The following GCSAM variants were observed in gnomAD, a reference collection of about 807,000 sequenced individuals.
The protein encoded by GCSAM is germinal center associated signaling and motility, also known as germinal center-associated signaling and motility protein.
In GCSAM, 8 loss-of-function variants were observed where a neutral mutation model predicts 17.6. The ratio of observed to expected loss-of-function variants is 0.46; its 90% CI spans 0.27 to 0.82. The LOEUF is 0.82. Among genes scored for constraint, GCSAM ranks in the 40% least tolerant of loss-of-function variants. The probability of loss-of-function intolerance (pLI) is 0.15; values close to 1 mark genes in which losing one functional copy is unlikely to be tolerated. For synonymous variants in GCSAM, 68 were observed against 69.0 expected, an observed-to-expected ratio of 0.98 and a Z score of 0.07; for missense variants, 192 against 213.5, an observed-to-expected ratio of 0.90 and a Z score of 0.63.
intron 1 of GCSAM, 97 bp downstream of exon 1, chr3:112,132,995 C>T (rs1051267783): frequency 1.4e-5 from 17 of 1,249,694 alleles, no homozygotes; most frequent in Non-Finnish European, 1.9e-5. Context: ...TCTACCCCAA[C>T]TTAGTGTGCT....
chr3:112,124,600 C>G (rs1409767023), intron 5 of GCSAM, among the ~76,000 whole-genome samples: 1 of 152,124 alleles, frequency 6.6e-6, no homozygotes, highest in Non-Finnish European at 1.5e-5. Flanking sequence ...AAGAGCAAAA[C>G]TCTGTCTCCA....
chr3:112,127,946 G>T, intron 3 of GCSAM, 71 bp downstream of exon 3: 1 of 1,320,008 alleles, frequency 7.6e-7, no homozygotes. Context: ...ACAGTCACAG[G>T]TAACTTACAG....
intron 5 of GCSAM, among the ~76,000 whole-genome samples, 156 bp from the exon 6 acceptor site, chr3:112,123,928 C>T (rs1289670620): frequency 1.3e-5 from 2 of 152,124 alleles, no homozygotes; most frequent in Admixed American, 1.3e-4. Context: ...CTGCTTCTAC[C>T]CCAACCACTA....
chr3:112,132,984 T>A, intron 1 of GCSAM, 108 bp downstream of exon 1: 2 of 1,129,222 alleles, frequency 1.8e-6, no homozygotes, highest in Non-Finnish European at 2.6e-6. Flanking sequence ...CCCAACTACT[T>A]TCTACCCCAA....
At chr3:112,132,783 G>A (rs1260605176) in intron 1 of GCSAM, 10 of 466,574 alleles carry the variant, frequency 2.1e-5, no homozygotes, top group Non-Finnish European at 2.6e-5. Flanking sequence ...TCTCCTTCCC[G>A]GGCTTTCAGA....
Position 112,123,531 on chromosome 3 carries a change from T to C in GCSAM, c.461A>G (p.His154Arg). 2.5e-6 allele frequency: 4 copies of C among 1,614,168 alleles called. No individual in the cohort carries two copies. The highest frequency in any genetic ancestry group is 3.4e-6 in the Non-Finnish European group (4 of 1,180,016). Residue 154 changes from histidine (H) to arginine (R), a missense_variant, in exon 6 of 6, where the codon CAC becomes CGC. Coordinates refer to ENST00000308910, the MANE Select transcript of GCSAM (RefSeq NM_152785.5). ...PEDEYELLMP[H>R]RISSHFLQQP... ...TTGCAGAAAGTGAGAGGAGATTCTGTGAGGCATGAGAAGTTCATATTCATC... is the reference window on the plus strand; with the variant it reads ...TTGCAGAAAGTGAGAGGAGATTCTGCGAGGCATGAGAAGTTCATATTCATC...
Position 112,122,933 on chromosome 3 carries a change from A to G in GCSAM, c.*522T>C. 1 of 155,894 alleles carries G rather than the reference A, an allele frequency of 6.4e-6. No homozygotes were observed. The highest frequency in any genetic ancestry group is 1.4e-5 in the Non-Finnish European group (1 of 70,326). 9.7% of individuals were successfully genotyped at this position (155,894 alleles called of 1,614,324 possible). A position where few individuals can be genotyped will look rare whatever the true frequency, so the allele number is the denominator to read the frequency against. Reference sequence around the variant, plus strand: ...CATAACTAACCAGACCATGGGGGCCAACAGGTCAAAGGACACTATGTAAAA... The same window carrying G: ...CATAACTAACCAGACCATGGGGGCCGACAGGTCAAAGGACACTATGTAAAA... On this transcript the variant is annotated 3_prime_UTR_variant, in exon 6 of 6. Coordinates refer to ENST00000308910, the MANE Select transcript of GCSAM (RefSeq NM_152785.5).
At chr3:112,133,023 C>T (rs898596320) in intron 1 of GCSAM, 69 bp downstream of exon 1, 39 of 1,526,852 alleles carry the variant, frequency 2.6e-5, no homozygotes, top group African/African-American at 5.5e-5. Context: ...TACTAGCTTT[C>T]TTTTTCTCTT....
intron 5 of GCSAM, among the ~76,000 whole-genome samples, chr3:112,124,318 G>C (rs1253223042): frequency 6.6e-6 from 1 of 152,136 alleles, no homozygotes; most frequent in Non-Finnish European, 1.5e-5. Context: ...TAATAAAAAA[G>C]AATAATCTGG....
At position 112,131,383 on chromosome 3, in the gene GCSAM, G is replaced by T. The variant is rs963004321; in HGVS notation, c.30-870C>A. ...TATTTGATCTGGAGAGACACGGTTGGGGGGGTATGCTGACTAGATGATAAC... is the reference window on the plus strand; with the variant it reads ...TATTTGATCTGGAGAGACACGGTTGTGGGGGTATGCTGACTAGATGATAAC... On this transcript the variant is annotated intron_variant, in intron 1 of 5. Coordinates refer to ENST00000308910, the MANE Select transcript of GCSAM (RefSeq NM_152785.5). Among the ~76,000 whole-genome samples the T allele has an allele frequency of 7.2e-5, 11 of 152,068 alleles. 1 individual carries two copies. The East Asian group carries it at 1.3e-3, about 19-fold the overall frequency.
chr3:112,130,936 A>C (rs2074437403), intron 1 of GCSAM: 1 of 169,586 alleles, frequency 5.9e-6, no homozygotes, highest in East Asian at 1.5e-4. Flanking sequence ...CATCTTTCAC[A>C]GAAAGCATGG....
Position 112,123,776 on chromosome 3 carries a change from C to T in GCSAM, c.220-4G>A. 6.2e-7 allele frequency: 1 copy of T among 1,603,642 alleles called. No individual in the cohort carries two copies. The highest frequency in any genetic ancestry group is 8.5e-7 in the Non-Finnish European group (1 of 1,173,510). ...AGTAGGTCTGGTCAACATTGTCCTGCTTGTCAAAGAAGAACCATCATCAAG... is the reference window on the plus strand; with the variant it reads ...AGTAGGTCTGGTCAACATTGTCCTGTTTGTCAAAGAAGAACCATCATCAAG... On this transcript the variant is annotated splice_region_variant and splice_polypyrimidine_tract_variant and intron_variant, in intron 5 of 5. Transcript: ENST00000308910.
Position 112,123,729 on chromosome 3 carries a change from A to T in GCSAM, c.263T>A (p.Leu88His). 9 of 1,613,872 alleles carry T rather than the reference A, an allele frequency of 5.6e-6. No individual in the cohort carries two copies. The highest frequency in any genetic ancestry group is 1.3e-5 in the African/African-American group (1 of 75,016). Reference protein sequence around the residue: ...QTYSEELCYTLINHRVLCTRP... With the variant: ...QTYSEELCYTHINHRVLCTRP... The stretch of plus-strand genomic sequence containing the variant: ...TGTACAGAGAACCCGATGATTGATG[A>T]GGGTATAGCACAGCTCCTCTGAGTA... The change falls in exon 6 of 6, where the codon CTC becomes CAC. Residue 88 changes from leucine (L) to histidine (H), a missense_variant. Coordinates refer to ENST00000308910, the MANE Select transcript of GCSAM (RefSeq NM_152785.5).
intron 5 of GCSAM, among the ~76,000 whole-genome samples, chr3:112,124,506 G>A (rs2074266384): frequency 6.6e-6 from 1 of 152,186 alleles, no homozygotes; most frequent in East Asian, 1.9e-4. Context: ...CTACTGGGGA[G>A]GCTGAGGCTG....
chr3:112,126,120 G>C (rs181178670), intron 4 of GCSAM, among the ~76,000 whole-genome samples: 3 of 152,148 alleles, frequency 2.0e-5, no homozygotes, highest in Non-Finnish European at 4.4e-5. Context: ...TCAGCATAGA[G>C]TTTTAGCATC....
Position 112,132,260 on chromosome 3 carries a change from A to AT in GCSAM, c.29+831dup, listed in dbSNP as rs2074474085. 2.6e-5 allele frequency among the ~76,000 whole-genome samples: 4 copies of AT among 152,110 alleles called. No homozygotes were observed. In the South Asian group the frequency reaches 8.3e-4, roughly 32 times the overall value. On this transcript the variant is annotated intron_variant, in intron 1 of 5. Transcript: ENST00000308910. ...GGCAAGTGGTCAAAAGTGGGCTACC[A>AT]TTTTTTCCTGTGTTCCACTCTCCAG...
intron 4 of GCSAM, among the ~76,000 whole-genome samples, chr3:112,126,428 CTT>C: frequency 6.6e-6 from 1 of 152,130 alleles, no homozygotes; most frequent in Admixed American, 6.5e-5. Flanking sequence ...ATTCTTTCTC[CTT>C]AACTTCAGTG....
At chr3:112,132,975 C>T (rs1231732837) in intron 1 of GCSAM, 117 bp downstream of exon 1, 6 of 1,012,452 alleles carry the variant, frequency 5.9e-6, no homozygotes, top group East Asian at 2.6e-5. Flanking sequence ...GTTTCCTTAC[C>T]CAACTACTTT....
In GCSAM at chr3:112,127,951, T is replaced by A. The variant is rs1338040164; in HGVS notation, c.143+66A>T. On this transcript the variant is annotated intron_variant, in intron 3 of 5. Coordinates refer to ENST00000308910, the MANE Select transcript of GCSAM (RefSeq NM_152785.5). ...GTGGCCACAGACAGTCACAGGTAAC[T>A]TACAGCAAATACCACATTGAAACCA... The A allele has an allele frequency of 1.2e-5, 17 of 1,401,332 alleles. No individual in the cohort carries two copies. In the East Asian group the frequency reaches 3.9e-4, roughly 32 times the overall value. The allele number at this position is 1,401,332 out of a possible 1,614,324, so 86.8% of individuals were successfully genotyped here. A position where few individuals can be genotyped will look rare whatever the true frequency, so the allele number is the denominator to read the frequency against.
Sources: gnomAD v4.1 joint callset for allele counts (sites outside exome capture counted in the v4.1 genomes callset) on GRCh38, gnomAD v4.1.1 for gene constraint, MANE v1.5 for transcripts, NCBI Gene and HGNC (gene_info 2026-07-23, HGNC 2026-07-21) for gene names.